The following TPRX1 variants were observed in gnomAD, a reference collection of about 807,000 sequenced individuals.
TPRX1 encodes tetrapeptide repeat homeobox 1, also known as tetra-peptide repeat homeobox protein 1.
A neutral mutation model predicts 8.1 loss-of-function variants in TPRX1; 2 were observed. That is an observed-to-expected ratio of 0.25 (90% CI 0.10 to 0.78). The LOEUF is 0.78. Among genes scored for constraint, TPRX1 ranks in the 30% least tolerant of loss-of-function variants. The pLI is 0.70. For missense variants in TPRX1, 517 were observed against 586.9 expected, an observed-to-expected ratio of 0.88 and a Z score of 1.23; for synonymous variants, 257 against 254.1, an observed-to-expected ratio of 1.01 and a Z score of -0.11.
intron 2 of TPRX1, among the ~76,000 whole-genome samples, chr19:47,816,547 T>TC (rs1162489988): frequency 5.4e-5 from 8 of 149,270 alleles, no homozygotes; most frequent in African/African-American, 2.0e-4. Flanking sequence ...TTTTTTTTTT[T>TC]TTTGAGATGG....
chr19:47,807,044 A>G, intron 2 of TPRX1, among the ~76,000 whole-genome samples: 1 of 151,910 alleles, frequency 6.6e-6, no homozygotes. Flanking sequence ...AGCTGGGATT[A>G]CAGGCATGCA....
At chr19:47,802,108 G>T in exon 4 of TPRX1, 1 of 1,587,574 alleles carries the variant, frequency 6.3e-7, no homozygotes, top group South Asian at 1.2e-5. Flanking sequence ...TCGGGGCTAG[G>T]CCTGGAAGTG....
intron 2 of TPRX1, among the ~76,000 whole-genome samples, chr19:47,815,189 A>G (rs1332804536): frequency 1.5e-5 from 1 of 66,390 alleles, no homozygotes; most frequent in Non-Finnish European, 2.9e-5. Flanking sequence ...CAGTCTTGCT[A>G]TGTTGCCTAG....
intron 2 of TPRX1, among the ~76,000 whole-genome samples, chr19:47,813,158 C>T (rs927703214): frequency 1.7e-5 from 2 of 119,760 alleles, no homozygotes; most frequent in African/African-American, 6.3e-5. Context: ...AATAAAACAA[C>T]CCCCCCCACC....
intron 2 of TPRX1, among the ~76,000 whole-genome samples, chr19:47,816,529 AT>A (rs35029272): frequency 2.0e-3 from 227 of 114,666 alleles, no homozygotes; most frequent in African/African-American, 2.8e-3. Flanking sequence ...ACCCCTGGGA[AT>A]TTTTTTTTTT....
intron 2 of TPRX1, among the ~76,000 whole-genome samples, chr19:47,814,023 C>A (rs1967809359): frequency 6.7e-6 from 1 of 149,870 alleles, no homozygotes. Flanking sequence ...GTTTAGGGAA[C>A]CACATTTAAG....
intron 2 of TPRX1, among the ~76,000 whole-genome samples, chr19:47,817,385 C>T (rs564863546): frequency 2.0e-5 from 3 of 152,226 alleles, no homozygotes; most frequent in South Asian, 2.1e-4. Flanking sequence ...CTGTCTCCCA[C>T]GTCAGCGGCA....
At chr19:47,808,580 C>G (rs1361768601) in intron 2 of TPRX1, among the ~76,000 whole-genome samples, 1 of 151,882 alleles carries the variant, frequency 6.6e-6, no homozygotes, top group Non-Finnish European at 1.5e-5. Flanking sequence ...ACTACAGGCG[C>G]CTGCCACCAC....
exon 4 of TPRX1, chr19:47,802,667 C>A (rs200298858): frequency 6.4e-7 from 1 of 1,558,104 alleles, no homozygotes. Context: ...TGGAATTGAG[C>A]CAGGGAGTGG....
intron 2 of TPRX1, among the ~76,000 whole-genome samples, chr19:47,809,067 A>C (rs918562881): frequency 6.6e-6 from 1 of 152,026 alleles, no homozygotes; most frequent in Non-Finnish European, 1.5e-5. Flanking sequence ...GAACACAGAG[A>C]CTTTGTTGGG....
chr19:47,818,369 A>ATCCC (rs1967869173), intron 2 of TPRX1: 1 of 347,014 alleles, frequency 2.9e-6, no homozygotes, highest in African/African-American at 3.3e-5. Flanking sequence ...TCCATCCATC[A>ATCCC]TCCATCACCC....
chr19:47,815,129 T>TATATGCAAATATATATATATATGCAA (rs1555800033), intron 2 of TPRX1, among the ~76,000 whole-genome samples: 4 of 101,752 alleles, frequency 3.9e-5, no homozygotes, highest in African/African-American at 1.4e-4. Flanking sequence ...TATATATATA[T>TATATGCAAATATATATATATATGCAA]ATATATATAT....
chr19:47,811,887 A>G (rs1967787268), intron 2 of TPRX1, among the ~76,000 whole-genome samples: 1 of 150,504 alleles, frequency 6.6e-6, no homozygotes, highest in Admixed American at 6.7e-5. Context: ...ATTTTTTGAG[A>G]CGGAGTTTCG....
At chr19:47,818,438 T>A (rs1458072345) in intron 2 of TPRX1, 1 of 451,086 alleles carries the variant, frequency 2.2e-6, no homozygotes, top group East Asian at 7.0e-5. Context: ...ATCCATCCAT[T>A]TCTTTCACAT....
chr19:47,801,918 C>T (rs1293943200), exon 4 of TPRX1: 1 of 1,614,148 alleles, frequency 6.2e-7, no homozygotes, highest in Admixed American at 1.7e-5. Context: ...ACTGAGGATC[C>T]CTCCAAGGGG....
At chr19:47,813,140 T>TAAATA (rs746161206) in intron 2 of TPRX1, among the ~76,000 whole-genome samples, 11 of 130,784 alleles carry the variant, frequency 8.4e-5, no homozygotes, top group African/African-American at 2.6e-4. Context: ...AATAAATAAA[T>TAAATA]AATAATAAAT....
chr19:47,805,076 A>C (rs13344830), intron 2 of TPRX1, among the ~76,000 whole-genome samples: 2 of 152,186 alleles, frequency 1.3e-5, no homozygotes, highest in Non-Finnish European at 2.9e-5. Flanking sequence ...CCTACTATCC[A>C]TTCCAAAAAT....
exon 4 of TPRX1, chr19:47,802,159 T>C (rs374893692): frequency 1.0e-5 from 16 of 1,600,192 alleles, no homozygotes; most frequent in Non-Finnish European, 8.5e-6. Context: ...AGATGGGACC[T>C]GGGCCTTGGA....
At position 47,809,773 on chromosome 19, in the gene TPRX1, C is replaced by T. The variant is rs190413395; in HGVS notation, c.152-6100G>A. Among the ~76,000 whole-genome samples, 484 of 152,082 alleles carry T rather than the reference C, an allele frequency of 3.2e-3. 1 individual carries two copies. The highest frequency in any genetic ancestry group is 5.6e-3 in the Non-Finnish European group (382 of 67,996). ...CGTCAACACCCTGCCCACAGAAGTC[C>T]CCATGCCTTTTCTCGTCCTGATGTG... On this transcript the variant is annotated intron_variant, in intron 2 of 3. Coordinates refer to ENST00000535759, the Ensembl canonical transcript of TPRX1.
Sources: allele counts gnomAD v4.1 joint callset (sites outside exome capture counted in the v4.1 genomes callset), GRCh38; gene constraint gnomAD v4.1.1; transcripts MANE v1.5; gene names NCBI Gene and HGNC (gene_info 2026-07-23, HGNC 2026-07-21).